The following COL25A1 variants were observed in gnomAD, a reference collection of about 807,000 sequenced individuals.
COL25A1 encodes collagen alpha-1(XXV) chain.
COL25A1 carries 103 observed loss-of-function variants against 128.4 expected under a neutral mutation model. The ratio of observed to expected loss-of-function variants is 0.80; its 90% CI spans 0.68 to 0.94. The LOEUF is 0.94. COL25A1 is among the 40% of genes least tolerant of loss of function. The pLI, the probability that COL25A1 is intolerant of heterozygous loss-of-function variation, is 0.00. For missense variants in COL25A1, 745 were observed against 840.0 expected (o/e 0.89, Z 1.40); for synonymous variants, 279 against 277.2 (o/e 1.01, Z -0.06).
intron 3 of COL25A1, among the ~76,000 whole-genome samples, chr4:109,118,291 ATAGT>A (rs1344026546): frequency 6.6e-6 from 1 of 151,846 alleles, no homozygotes; most frequent in African/African-American, 2.4e-5. Context: ...ATTGCACTGC[ATAGT>A]GACCCCAGTT....
chr4:109,239,330 A>G (rs1779682652), intron 3 of COL25A1, among the ~76,000 whole-genome samples: 1 of 146,790 alleles, frequency 6.8e-6, no homozygotes, highest in African/African-American at 2.5e-5. Context: ...TAATATAGTA[A>G]TATTTATATT....
chr4:108,889,615 G>T, intron 17 of COL25A1, 86 bp downstream of exon 17: 2 of 1,175,592 alleles, frequency 1.7e-6, no homozygotes, highest in Non-Finnish European at 2.5e-6. Flanking sequence ...AACCATCAAA[G>T]TTGCTAAAAA....
intron 19 of COL25A1, among the ~76,000 whole-genome samples, chr4:108,870,091 C>CA: frequency 6.6e-6 from 1 of 151,940 alleles, no homozygotes; most frequent in Non-Finnish European, 1.5e-5. Flanking sequence ...CCGTTCTGTA[C>CA]AAAAAATATG....
chr4:109,259,117 C>T (rs1388035855), intron 3 of COL25A1, among the ~76,000 whole-genome samples: 1 of 152,118 alleles, frequency 6.6e-6, no homozygotes, highest in African/African-American at 2.4e-5. Flanking sequence ...AATTACACCT[C>T]TATGCAATGT....
chr4:109,088,642 T>C lies in COL25A1; in HGVS notation c.368-38463A>G, dbSNP rs146472694. Among the ~76,000 whole-genome samples the C allele has an allele frequency of 4.9e-4, 75 of 152,296 alleles. No individual in the cohort carries two copies. In the East Asian group the frequency reaches 0.014, roughly 28 times the overall value. On this transcript the variant is annotated intron_variant, in intron 3 of 37. Transcript: ENST00000399132. ...ATGAATGATAACGATCAATTAGCAA[T>C]ATTTGTTAAGAACCGGGTAACGTTC...
chr4:108,929,847 A>T (rs986226409), intron 11 of COL25A1, among the ~76,000 whole-genome samples: 1 of 152,066 alleles, frequency 6.6e-6, no homozygotes, highest in African/African-American at 2.4e-5. Flanking sequence ...AACAAAACAA[A>T]AGAAGAAAAA....
chr4:108,869,570 A>G (rs555371549), intron 19 of COL25A1, among the ~76,000 whole-genome samples: 40 of 152,308 alleles, frequency 2.6e-4, no homozygotes, highest in Middle Eastern at 6.8e-3. Context: ...GTGCCAGAAT[A>G]GGATCGAATT....
intron 24 of COL25A1, among the ~76,000 whole-genome samples, chr4:108,857,048 T>G (rs1736608910): frequency 6.6e-6 from 1 of 152,084 alleles, no homozygotes; most frequent in Non-Finnish European, 1.5e-5. Context: ...ATAGCTTGCC[T>G]CATGCCAGGC....
chr4:108,959,727 G>C (rs562327118), intron 8 of COL25A1, among the ~76,000 whole-genome samples: 2 of 152,232 alleles, frequency 1.3e-5, no homozygotes, highest in Non-Finnish European at 2.9e-5. Context: ...CAAAGTGGAA[G>C]TAATACCACA....
rs528404695 is a variant in COL25A1, at chr4:109,245,695, A to G, written c.367+54888T>C. ...TAAAAACAAACAGATGATTGTTTAC[A>G]AAAACTACAGCACAACGTAAGGATT... On this transcript the variant is annotated intron_variant, in intron 3 of 37. Coordinates refer to ENST00000399132, the MANE Select transcript of COL25A1 (RefSeq NM_198721.4). Among the ~76,000 whole-genome samples, 6 of 152,332 alleles carry G rather than the reference A, an allele frequency of 3.9e-5. No individual in the cohort carries two copies. The East Asian group carries it at 1.2e-3, about 29-fold the overall frequency.
At chr4:108,860,173 G>A (rs547125835) in intron 23 of COL25A1, among the ~76,000 whole-genome samples, 13 of 152,182 alleles carry the variant, frequency 8.5e-5, no homozygotes, top group Non-Finnish European at 1.5e-4. Context: ...ATGCAGTAGC[G>A]TGATCTCGGC....
chr4:108,839,720 T>C (rs1013327158), intron 31 of COL25A1, among the ~76,000 whole-genome samples: 2 of 152,208 alleles, frequency 1.3e-5, no homozygotes, highest in Non-Finnish European at 2.9e-5. Flanking sequence ...GGAACTTGCA[T>C]AGATATCTAT....
intron 5 of COL25A1, among the ~76,000 whole-genome samples, chr4:109,047,857 C>T (rs1047465016): frequency 1.3e-5 from 2 of 151,254 alleles, no homozygotes; most frequent in Non-Finnish European, 2.9e-5. Context: ...CTCAGCCGCC[C>T]GAGTAGCTGG....
intron 3 of COL25A1, among the ~76,000 whole-genome samples, chr4:109,149,099 CA>C (rs1771223096): frequency 6.6e-6 from 1 of 152,144 alleles, no homozygotes; most frequent in African/African-American, 2.4e-5. Context: ...CTTTCACATA[CA>C]CCCGTAAATT....
intron 3 of COL25A1, among the ~76,000 whole-genome samples, chr4:109,130,211 A>T (rs181124242): frequency 6.6e-6 from 1 of 152,150 alleles, no homozygotes; most frequent in Non-Finnish European, 1.5e-5. Flanking sequence ...ATTAAAGTCA[A>T]ATCAACAGAA....
intron 27 of COL25A1, 53 bp from the exon 28 acceptor site, chr4:108,846,272 T>A (rs903759054): frequency 5.7e-6 from 6 of 1,051,644 alleles, no homozygotes; most frequent in Non-Finnish European, 8.7e-6. Context: ...CCCCCGATAA[T>A]TACATCCTAG....
chr4:109,169,442 C>T (rs1260638160), intron 3 of COL25A1, among the ~76,000 whole-genome samples: 1 of 152,172 alleles, frequency 6.6e-6, no homozygotes, highest in Non-Finnish European at 1.5e-5. Context: ...CTGTAGCTTA[C>T]ATAATCTTTG....
intron 13 of COL25A1, among the ~76,000 whole-genome samples, chr4:108,905,146 G>T (rs1743326073): frequency 6.6e-6 from 1 of 152,064 alleles, no homozygotes; most frequent in Admixed American, 6.6e-5. Flanking sequence ...GAATGAGAAT[G>T]GAATGGACCT....
In COL25A1 at chr4:109,183,479, C is replaced by T. The variant is rs553003657; in HGVS notation, c.367+117104G>A. Among the ~76,000 whole-genome samples the T allele has an allele frequency of 2.3e-3, 345 of 152,204 alleles. 1 individual carries two copies. Among genetic ancestry groups the T allele is most frequent in the African/African-American group, 7.6e-3 (317 of 41,534 alleles). ...ACTTTTATTTCATTTTACAAGCTTG[C>T]CTGACTTATCTGTGCTTTTCTCTTT... is the stretch of plus-strand genomic sequence containing the variant. On this transcript the variant is annotated intron_variant, in intron 3 of 37. Coordinates refer to ENST00000399132, the MANE Select transcript of COL25A1 (RefSeq NM_198721.4).
Sources: gnomAD v4.1 joint callset for allele counts (sites outside exome capture counted in the v4.1 genomes callset) on GRCh38, gnomAD v4.1.1 for gene constraint, MANE v1.5 for transcripts, NCBI Gene and HGNC (gene_info 2026-07-23, HGNC 2026-07-21) for gene names.